BCAR3: variants seen among roughly 807,000 people sequenced by gnomAD.
BCAR3 encodes the protein breast cancer anti-estrogen resistance protein 3.
Under a neutral mutation model 80.1 loss-of-function variants are expected in BCAR3, and 37 were observed. That is an observed-to-expected ratio of 0.46 (90% CI 0.36 to 0.61). BCAR3 has a LOEUF of 0.61. Among genes scored for constraint, BCAR3 ranks in the 20% least tolerant of loss-of-function variants. BCAR3 has a pLI of 0.00. For missense variants in BCAR3, 978 were observed against 1,068.2 expected, an observed-to-expected ratio of 0.92 and a Z score of 1.18; for synonymous variants, 389 against 418.9, an observed-to-expected ratio of 0.93 and a Z score of 0.87.
chr1:93,829,006 A>AGGACAT (rs2100830580), intron 2 of BCAR3, among the ~76,000 whole-genome samples: 1 of 152,334 alleles, frequency 6.6e-6, no homozygotes, highest in East Asian at 1.9e-4. Context: ...GAAAGAACTC[A>AGGACAT]GGACATGGAC....
At chr1:93,719,985 T>A (rs190482802) in intron 2 of BCAR3, among the ~76,000 whole-genome samples, 1 of 152,364 alleles carries the variant, frequency 6.6e-6, no homozygotes, top group Non-Finnish European at 1.5e-5. Context: ...CATAGTGCAC[T>A]ATTGCCTTGA....
At chr1:93,682,306 G>C (rs75008111), upstream of BCAR3, among the ~76,000 whole-genome samples, 2,278 of 152,262 alleles carry the variant, frequency 0.015, 55 homozygotes, top group African/African-American at 0.053. Flanking sequence ...TGATTTGGTG[G>C]GGTGAAAAAT....
At chr1:93,624,926 T>C (rs914435779) in intron 3 of BCAR3, among the ~76,000 whole-genome samples, 2 of 152,172 alleles carry the variant, frequency 1.3e-5, no homozygotes, top group African/African-American at 2.4e-5. Context: ...AGAGTCATTT[T>C]ACGGCCAGGC....
In BCAR3 at chr1:93,621,996, C is replaced by T. The variant is rs180823312; in HGVS notation, c.357+20308G>A. 8.0e-4 allele frequency among the ~76,000 whole-genome samples: 122 copies of T among 152,278 alleles called. 1 individual carries two copies. In the East Asian group the frequency reaches 0.022, roughly 28 times the overall value. The stretch of plus-strand genomic sequence containing the variant: ...AAGTGATTCTCCTGCCTCAGCCTCC[C>T]GAGTAGCTGGGACTACAGGCACCCG... On this transcript the variant is annotated intron_variant, in intron 3 of 11. Transcript: ENST00000260502.
intron 1 of BCAR3, chr1:93,846,843 C>T (rs762311695): frequency 2.1e-6 from 1 of 475,662 alleles, no homozygotes; most frequent in Non-Finnish European, 4.3e-6. Context: ...GCGCGTCGCC[C>T]CCCTCAGTCC....
chr1:93,595,952 G>C (rs1674403841), intron 3 of BCAR3, among the ~76,000 whole-genome samples: 1 of 152,176 alleles, frequency 6.6e-6, no homozygotes, highest in East Asian at 1.9e-4. Context: ...GGAAGAATTT[G>C]GATTTTTTCC....
At chr1:93,754,387 A>G (rs4847258) in intron 2 of BCAR3, 148,434 of 152,356 alleles carry the variant, frequency 0.97, 72,307 homozygotes, top group East Asian at 1. Context: ...CAGATAACAA[A>G]TGATGAAATT....
chr1:93,822,824 C>G (rs1571151942), intron 2 of BCAR3, among the ~76,000 whole-genome samples: 1 of 136,400 alleles, frequency 7.3e-6, no homozygotes, highest in South Asian at 2.8e-4. Context: ...TACCCATCAA[C>G]TCATCACCAC....
chr1:93,845,314 C>A (rs1655110883), intron 2 of BCAR3, among the ~76,000 whole-genome samples: 1 of 151,854 alleles, frequency 6.6e-6, no homozygotes, highest in Admixed American at 6.6e-5. Context: ...GCCACCAGTG[C>A]CTGGCATATT....
intron 2 of BCAR3, among the ~76,000 whole-genome samples, chr1:93,816,967 C>G (rs1654042716): frequency 6.6e-6 from 1 of 152,038 alleles, no homozygotes; most frequent in East Asian, 1.9e-4. Context: ...TACATTAAAC[C>G]ACCACCCCCT....
intron 2 of BCAR3, among the ~76,000 whole-genome samples, chr1:93,717,226 A>C (rs937532721): frequency 5.3e-5 from 8 of 152,336 alleles, no homozygotes; most frequent in African/African-American, 1.7e-4. Context: ...GTCCCCAGCC[A>C]ACCTGCTACT....
At chr1:93,591,497 G>A (rs1223369111) in intron 4 of BCAR3, among the ~76,000 whole-genome samples, 1 of 151,896 alleles carries the variant, frequency 6.6e-6, no homozygotes. Flanking sequence ...AAAAACTTAC[G>A]ACATGATGCC....
chr1:93,842,269 A>G (rs957503792), intron 2 of BCAR3, among the ~76,000 whole-genome samples: 1 of 151,290 alleles, frequency 6.6e-6, no homozygotes, highest in African/African-American at 2.4e-5. Context: ...CTCCTGTCTC[A>G]GCCTCCCGAG....
intron 2 of BCAR3, 104 bp from the exon 3 acceptor site, chr1:93,642,447 G>C: frequency 8.7e-7 from 1 of 1,153,052 alleles, no homozygotes; most frequent in Non-Finnish European, 1.3e-6. Context: ...AAGTTACTAA[G>C]CTGGGCCCCA....
At position 93,824,471 on chromosome 1, in the gene BCAR3, G is replaced by A. The variant is rs866995084; in HGVS notation, c.-63+21096C>T. Among the ~76,000 whole-genome samples, 8 of 132,766 alleles carry A rather than the reference G, an allele frequency of 6.0e-5. 1 individual carries two copies. The highest frequency in any genetic ancestry group is 6.8e-5 in the Non-Finnish European group (4 of 58,854). The allele number at this position is 132,766 out of a possible 152,430, so 87.1% of individuals were successfully genotyped here. A position where few individuals can be genotyped will look rare whatever the true frequency, so the allele number is the denominator to read the frequency against. On this transcript the variant is annotated intron_variant, in intron 2 of 13. Transcript: ENST00000370244. ...TAAAAGGGCCCATTCTTTCTTCTCC[G>A]TCCGAGAGGGCTAGGCTGGGCTCCT...
intron 2 of BCAR3, among the ~76,000 whole-genome samples, chr1:93,664,762 C>T (rs1244658159): frequency 6.6e-6 from 1 of 152,092 alleles, no homozygotes; most frequent in Non-Finnish European, 1.5e-5. Flanking sequence ...CAAGAAAAAC[C>T]GTATCAAGGC....
intron 2 of BCAR3, among the ~76,000 whole-genome samples, chr1:93,714,681 T>C (rs1483037118): frequency 6.6e-6 from 1 of 151,994 alleles, no homozygotes; most frequent in Non-Finnish European, 1.5e-5. Context: ...TTTAACATAC[T>C]AATCACAACT....
At chr1:93,763,245 T>A (rs560975608) in intron 2 of BCAR3, among the ~76,000 whole-genome samples, 1 of 152,206 alleles carries the variant, frequency 6.6e-6, no homozygotes, top group South Asian at 2.1e-4. Context: ...TAAATGTTTT[T>A]TAGAGTTGGG....
chr1:93,847,010 G>C (rs2391318), intron 1 of BCAR3: 2 of 167,336 alleles, frequency 1.2e-5, no homozygotes, highest in African/African-American at 3.3e-5. Flanking sequence ...CCGCGGCTGG[G>C]TCGGGCGCGG....
Sources: gnomAD v4.1 joint callset for allele counts (sites outside exome capture counted in the v4.1 genomes callset) on GRCh38, gnomAD v4.1.1 for gene constraint, MANE v1.5 for transcripts, NCBI Gene and HGNC (gene_info 2026-07-23, HGNC 2026-07-21) for gene names.